The following COL26A1 variants were observed in gnomAD, a reference collection of about 807,000 sequenced individuals.
COL26A1 encodes collagen type XXVI alpha 1 chain.
Under a neutral mutation model 59.3 loss-of-function variants are expected in COL26A1, and 41 were observed. The observed-to-expected ratio is 0.69, with a 90% confidence interval of 0.54 to 0.90. The LOEUF (loss-of-function observed/expected upper bound fraction) is 0.90, where lower values mean the gene tolerates loss of function less well. COL26A1 is among the 40% of genes least tolerant of loss of function. The probability of loss-of-function intolerance (pLI) is 0.00; values close to 1 mark genes in which losing one functional copy is unlikely to be tolerated. For missense variants in COL26A1, 612 were observed against 602.3 expected, an observed-to-expected ratio of 1.02 and a Z score of -0.17; for synonymous variants, 266 against 256.0, an observed-to-expected ratio of 1.04 and a Z score of -0.37.
chr7:101,555,673 T>G, intron 11 of COL26A1, 114 bp from the exon 12 acceptor site: 1 of 661,318 alleles, frequency 1.5e-6, no homozygotes, highest in Non-Finnish European at 2.6e-6. Context: ...GGGTGTCGGG[T>G]GGGAAGAGGC....
intron 2 of COL26A1, among the ~76,000 whole-genome samples, chr7:101,420,678 C>T (rs908305345): frequency 1.4e-5 from 2 of 142,816 alleles, no homozygotes; most frequent in Non-Finnish European, 3.1e-5. Context: ...CTGCCCCTAC[C>T]AGCCACGCCC....
At chr7:101,544,362 G>C (rs899090145) in intron 6 of COL26A1, among the ~76,000 whole-genome samples, 1 of 152,012 alleles carries the variant, frequency 6.6e-6, no homozygotes, top group Admixed American at 6.6e-5. Context: ...TGAGTAGCTG[G>C]GATTACAGGC....
chr7:101,389,965 ACT>A (rs1437514772), intron 1 of COL26A1, among the ~76,000 whole-genome samples: 5 of 151,348 alleles, frequency 3.3e-5, no homozygotes, highest in African/African-American at 1.2e-4. Context: ...TTGCCTTTTC[ACT>A]CTGTTGATTG....
At chr7:101,419,421 C>T (rs550895872) in intron 1 of COL26A1, among the ~76,000 whole-genome samples, 52 of 152,174 alleles carry the variant, frequency 3.4e-4, no homozygotes, top group African/African-American at 1.2e-3. Context: ...CTGGCCACTT[C>T]CCATTGCAGG....
intron 1 of COL26A1, among the ~76,000 whole-genome samples, chr7:101,389,420 C>A (rs368034275): frequency 1.1e-3 from 162 of 149,600 alleles, no homozygotes; most frequent in African/African-American, 3.8e-3. Flanking sequence ...CACTCTGAAG[C>A]CCATGCTAGA....
chr7:101,395,709 GCA>G (rs1292335301), intron 1 of COL26A1, among the ~76,000 whole-genome samples: 1 of 152,174 alleles, frequency 6.6e-6, no homozygotes. Flanking sequence ...TCGGACTTGA[GCA>G]CAGCAGCCAG....
At chr7:101,545,554 C>G in intron 7 of COL26A1, 64 bp downstream of exon 7, 1 of 1,513,898 alleles carries the variant, frequency 6.6e-7, no homozygotes, top group South Asian at 1.3e-5. Flanking sequence ...GAGGGATCAG[C>G]CTTCCTTAAA....
chr7:101,396,743 G>A (rs1791864046), intron 1 of COL26A1, among the ~76,000 whole-genome samples: 1 of 152,164 alleles, frequency 6.6e-6, no homozygotes, highest in Admixed American at 6.5e-5. Flanking sequence ...GGTTACAGGT[G>A]TGAGCTACCA....
chr7:101,398,389 C>T (rs939308366), intron 1 of COL26A1, among the ~76,000 whole-genome samples: 3 of 152,138 alleles, frequency 2.0e-5, no homozygotes, highest in African/African-American at 7.2e-5. Flanking sequence ...CTCTGTGATT[C>T]CCTCTCCCTC....
At position 101,544,060 on chromosome 7, in the gene COL26A1, G is replaced by A. The variant is rs1252668275; in HGVS notation, c.667G>A (p.Gly223Ser). 32 of 1,606,276 alleles carry A rather than the reference G, an allele frequency of 2.0e-5. No individual in the cohort carries two copies. The highest frequency in any genetic ancestry group is 3.4e-5 in the Admixed American group (2 of 59,104). Reference sequence around the variant, plus strand: ...CCCCCCCGGGTCTAAAGGTGACCGAGGCCAGACAGGAGAGAAGGGTCCAGC... The same window carrying A: ...CCCCCCCGGGTCTAAAGGTGACCGAAGCCAGACAGGAGAGAAGGGTCCAGC... Reference protein sequence around the residue: ...AGPPGSKGDRGQTGEKGPAGP... With the variant: ...AGPPGSKGDRSQTGEKGPAGP... The change falls in exon 6 of 13, where the codon GGC becomes AGC. Residue 223 changes from glycine (G) to serine (S), a missense_variant. Gly to Ser is a moderately conservative substitution (Grantham distance 56). Coordinates refer to ENST00000313669, the MANE Select transcript of COL26A1 (RefSeq NM_001278563.3).
In COL26A1 at chr7:101,445,385, T is replaced by A. The variant is rs1584413403; in HGVS notation, c.282-2299T>A. Among the ~76,000 whole-genome samples the A allele has an allele frequency of 5.3e-5, 8 of 152,032 alleles. No individual in the cohort carries two copies. In the East Asian group the frequency reaches 1.2e-3, roughly 22 times the overall value. On this transcript the variant is annotated intron_variant, in intron 2 of 12. Coordinates refer to ENST00000313669, the MANE Select transcript of COL26A1 (RefSeq NM_001278563.3). ...GCATGGTGCCGGCATCTCCTTGGCT[T>A]CTGGGGAGGTCTCTGGAAACTTTCA...
In COL26A1 at chr7:101,489,860, T is replaced by C. The variant is rs1461040430; in HGVS notation, c.385+42073T>C. ...TTTCTTTCTTTCTTTCTTTCTTTCT[T>C]TCTTTCTTTCTTTCTTTCTTTCTTT... On this transcript the variant is annotated intron_variant, in intron 3 of 12. Transcript: ENST00000313669. Among the ~76,000 whole-genome samples, 57 of 44,672 alleles carry C rather than the reference T, an allele frequency of 1.3e-3. 4 individuals carry two copies. Among genetic ancestry groups the C allele is most frequent in the African/African-American group, 4.6e-3 (33 of 7,134 alleles). 29.3% of individuals were successfully genotyped at this position (44,672 alleles called of 152,430 possible).
chr7:101,475,919 T>TC (rs767525526), intron 3 of COL26A1, among the ~76,000 whole-genome samples: 12,535 of 146,400 alleles, frequency 0.086, 679 homozygotes, highest in Middle Eastern at 0.13. Context: ...TCTCTCTCTC[T>TC]TTCTTTCTCT....
intron 1 of COL26A1, among the ~76,000 whole-genome samples, chr7:101,410,117 C>T (rs1297347940): frequency 6.6e-6 from 1 of 151,954 alleles, no homozygotes; most frequent in Non-Finnish European, 1.5e-5. Context: ...ATGGGTGCTA[C>T]TGATTGGTTG....
chr7:101,384,156 G>A (rs905803900), intron 1 of COL26A1, among the ~76,000 whole-genome samples: 2 of 151,700 alleles, frequency 1.3e-5, no homozygotes, highest in East Asian at 3.9e-4. Flanking sequence ...TGAGACCACA[G>A]GCGTGCGCCA....
chr7:101,430,800 T>A (rs1245821700), intron 2 of COL26A1, among the ~76,000 whole-genome samples: 1 of 151,946 alleles, frequency 6.6e-6, no homozygotes, highest in East Asian at 1.9e-4. Context: ...ATGCCTTTTA[T>A]TTTATTTTAT....
chr7:101,372,690 G>A (rs577803057), intron 1 of COL26A1, among the ~76,000 whole-genome samples: 1 of 152,132 alleles, frequency 6.6e-6, no homozygotes, highest in East Asian at 1.9e-4. Context: ...TAGTTAGTGG[G>A]ACTGAGTTCA....
intron 3 of COL26A1, among the ~76,000 whole-genome samples, chr7:101,520,627 G>GAC (rs1250474937): frequency 3.1e-3 from 279 of 89,004 alleles, no homozygotes; most frequent in African/African-American, 0.013. Context: ...GACAAGCACA[G>GAC]ACACATACAC....
At chr7:101,556,215 C>G (rs1227195273) in intron 12 of COL26A1, among the ~76,000 whole-genome samples, 3 of 152,198 alleles carry the variant, frequency 2.0e-5, no homozygotes, top group Non-Finnish European at 4.4e-5. Flanking sequence ...ATCTCGGCCT[C>G]TGTGAAGCCT....
Sources: gnomAD v4.1 joint callset for allele counts (sites outside exome capture counted in the v4.1 genomes callset) on GRCh38, gnomAD v4.1.1 for gene constraint, MANE v1.5 for transcripts, NCBI Gene and HGNC (gene_info 2026-07-23, HGNC 2026-07-21) for gene names.